Variants in RP1 observed in about 807,000 individuals in gnomAD.
RP1 encodes the protein RP1 axonemal microtubule associated.
RP1 carries 16 observed loss-of-function variants against 14.8 expected under a neutral mutation model. That is an observed-to-expected ratio of 1.08 (90% CI 0.73 to 1.65). The LOEUF (loss-of-function observed/expected upper bound fraction) is 1.65, where lower values mean the gene tolerates loss of function less well. RP1 is among the 40% of genes most tolerant of loss of function. The pLI is 0.00. For missense variants in RP1, 2,631 were observed against 2,535.0 expected (o/e 1.04, Z -0.81); for synonymous variants, 876 against 883.6 (o/e 0.99, Z 0.15).
intron 24 of RP1, among the ~76,000 whole-genome samples, chr8:54,818,479 A>T (rs745764127): frequency 4.9e-4 from 74 of 152,370 alleles, no homozygotes; most frequent in Non-Finnish European, 9.1e-4. Flanking sequence ...ATATCAAAAC[A>T]AACACACAGA....
At chr8:54,584,692 G>C (rs571279397) in intron 1 of RP1, among the ~76,000 whole-genome samples, 2 of 152,076 alleles carry the variant, frequency 1.3e-5, no homozygotes, top group East Asian at 1.9e-4. Flanking sequence ...CTCCTGTATT[G>C]GGTGCATATA....
chr8:54,683,649 AT>A (rs1807485727), intron 12 of RP1, among the ~76,000 whole-genome samples: 1 of 152,062 alleles, frequency 6.6e-6, no homozygotes, highest in Non-Finnish European at 1.5e-5. Flanking sequence ...TTGCACATTG[AT>A]TTTGTATCCT....
exon 1 of RP1, chr8:54,559,192 G>C (rs1196603593): frequency 2.0e-5 from 3 of 152,198 alleles, no homozygotes; most frequent in South Asian, 4.1e-4. Flanking sequence ...TTCACTCGTA[G>C]GCAGCATCTG....
At chr8:54,858,705 G>GGTGTCACTGTGGAGCA (rs1812264584) in intron 27 of RP1, among the ~76,000 whole-genome samples, 1 of 151,894 alleles carries the variant, frequency 6.6e-6, no homozygotes, top group Admixed American at 6.6e-5. Flanking sequence ...TCTGTAAGGT[G>GGTGTCACTGTGGAGCA]GTGTCACTGT....
At chr8:54,570,668 G>A (rs1192982181) in intron 1 of RP1, among the ~76,000 whole-genome samples, 2 of 147,028 alleles carry the variant, frequency 1.4e-5, no homozygotes, top group African/African-American at 5.0e-5. Flanking sequence ...ACTATTCTTT[G>A]TTTTCAAACA....
intron 12 of RP1, among the ~76,000 whole-genome samples, chr8:54,692,124 T>C (rs535526191): frequency 2.0e-5 from 3 of 151,862 alleles, no homozygotes; most frequent in Non-Finnish European, 4.4e-5. Flanking sequence ...ATTTCATCCA[T>C]GTCCCTACAA....
Position 54,628,785 on chromosome 8 carries a change from CTG to C in RP1, c.4905_4906del (p.Tyr1636ArgfsTer2). 6.2e-7 allele frequency: 1 copy of C among 1,614,096 alleles called. No individual in the cohort carries two copies. Among genetic ancestry groups the C allele is most frequent in the African/African-American group, 1.3e-5 (1 of 75,044 alleles). ...ATTTGTTAAAAGGGCAATAGAAAAACTGTACGGTAAAGCAGATATTATCAAAC... is the reference window on the plus strand; with the variant it reads ...ATTTGTTAAAAGGGCAATAGAAAAACTACGGTAAAGCAGATATTATCAAAC... Reference protein sequence around the residue: ...IGFVKRAIEKLYGKADIIKPS... With the variant: ...IGFVKRAIEKXYGKADIIKPS... On this transcript the variant is annotated frameshift_variant, in exon 4 of 4. Transcript: ENST00000220676. LOFTEE classifies it low-confidence loss of function (END_TRUNC).
At chr8:54,714,359 G>A (rs1345246336) in intron 15 of RP1, among the ~76,000 whole-genome samples, 1 of 152,182 alleles carries the variant, frequency 6.6e-6, no homozygotes, top group East Asian at 1.9e-4. Flanking sequence ...CAGGAGTCAT[G>A]CAGCCAGACT....
chr8:54,705,032 A>G (rs1262663981), intron 14 of RP1, among the ~76,000 whole-genome samples: 1 of 152,186 alleles, frequency 6.6e-6, no homozygotes, highest in Non-Finnish European at 1.5e-5. Context: ...GGCTCTGGGA[A>G]CATACTGCCA....
Position 54,627,281 on chromosome 8 carries a change from C to G in RP1, c.3399C>G (p.Leu1133=), listed in dbSNP as rs746723674. The G allele has an allele frequency of 4.5e-5, 73 of 1,613,988 alleles. No individual in the cohort carries two copies. The highest frequency in any genetic ancestry group is 5.7e-5 in the Non-Finnish European group (67 of 1,179,984). The change falls in exon 4 of 4, where the codon CTC becomes CTG. Residue 1133 remains leucine (L), a synonymous_variant. Transcript: ENST00000220676. ...NSSTNLLLAW[L]LVLNLKGSMN... is the part of the protein sequence containing the mutation. ...CCACTAATCTCCTTCTAGCTTGGCT[C>G]TTGGTGCTAAACCTAAAGGGAAGTA...
intron 19 of RP1, among the ~76,000 whole-genome samples, chr8:54,752,403 C>A (rs1221873247): frequency 6.6e-6 from 1 of 152,192 alleles, no homozygotes; most frequent in East Asian, 1.9e-4. Context: ...ATTGTCAGGA[C>A]CACCTCCTTC....
At chr8:54,797,033 G>A (rs553457488) in intron 24 of RP1, among the ~76,000 whole-genome samples, 89 of 152,286 alleles carry the variant, frequency 5.8e-4, no homozygotes, top group African/African-American at 2.1e-3. Context: ...TTACGTTTGT[G>A]AGAGGGAAGC....
intron 19 of RP1, among the ~76,000 whole-genome samples, chr8:54,742,816 C>A (rs564688367): frequency 1.3e-5 from 2 of 152,156 alleles, no homozygotes; most frequent in Non-Finnish European, 1.5e-5. Context: ...CATGGATGTG[C>A]TTTCTCTGGG....
intron 1 of RP1, among the ~76,000 whole-genome samples, chr8:54,566,519 C>A (rs538565476): frequency 3.8e-4 from 58 of 152,260 alleles, no homozygotes; most frequent in African/African-American, 1.3e-3. Flanking sequence ...ATTTCCTTCT[C>A]CCCCAGGAAG....
chr8:54,762,343 C>T (rs959239757), intron 22 of RP1, among the ~76,000 whole-genome samples: 9 of 152,104 alleles, frequency 5.9e-5, no homozygotes, highest in African/African-American at 2.2e-4. Flanking sequence ...AGCAGAGCCG[C>T]GTGAGGAGAC....
At chr8:54,717,188 C>G (rs1370653501) in intron 15 of RP1, among the ~76,000 whole-genome samples, 1 of 152,150 alleles carries the variant, frequency 6.6e-6, no homozygotes, top group Non-Finnish European at 1.5e-5. Flanking sequence ...TTTTCTCTCT[C>G]AATAAACTTG....
At chr8:54,835,304 T>C (rs955295584) in intron 24 of RP1, among the ~76,000 whole-genome samples, 2 of 152,214 alleles carry the variant, frequency 1.3e-5, no homozygotes, top group Non-Finnish European at 2.9e-5. Flanking sequence ...TCTATAGCAC[T>C]AGCCATGCTG....
chr8:54,857,957 C>T (rs1218994743), intron 27 of RP1, among the ~76,000 whole-genome samples: 5 of 152,152 alleles, frequency 3.3e-5, no homozygotes, highest in South Asian at 2.1e-4. Context: ...GTACTGAAAC[C>T]ATTTATCACA....
Position 54,630,734 on chromosome 8 carries a change from T to A in RP1, c.*381T>A. ...TATATTGACTGTATTGGTGAATAAA[T>A]TGAATAGACATAACCTCAAAGTACT... On this transcript the variant is annotated 3_prime_UTR_variant, in exon 4 of 4. Coordinates refer to ENST00000220676, the MANE Select transcript of RP1 (RefSeq NM_006269.2). 9.6e-7 allele frequency: 1 copy of A among 1,036,730 alleles called. No individual in the cohort carries two copies. Among genetic ancestry groups the A allele is most frequent in the Non-Finnish European group, 1.2e-6 (1 of 861,628 alleles). 64.2% of individuals were successfully genotyped at this position (1,036,730 alleles called of 1,614,324 possible). A position where few individuals can be genotyped will look rare whatever the true frequency, so the allele number is the denominator to read the frequency against.
Sources: gnomAD v4.1 joint callset for allele counts (sites outside exome capture counted in the v4.1 genomes callset) on GRCh38, gnomAD v4.1.1 for gene constraint, MANE v1.5 for transcripts, NCBI Gene and HGNC (gene_info 2026-07-23, HGNC 2026-07-21) for gene names.